SCFD2: variants seen among roughly 807,000 people sequenced by gnomAD.
The protein encoded by SCFD2 is sec1 family domain-containing protein 2.
Under a neutral mutation model 58.9 loss-of-function variants are expected in SCFD2, and 54 were observed. The ratio of observed to expected loss-of-function variants is 0.92; its 90% CI spans 0.74 to 1.15. The LOEUF is 1.15. SCFD2 is among the 50% of genes most tolerant of loss of function. The pLI is 0.00. For synonymous variants in SCFD2, 321 were observed against 335.9 expected (o/e 0.96, Z 0.49); for missense variants, 805 against 836.6 (o/e 0.96, Z 0.47).
At chr4:53,192,373 T>C (rs1727939853) in intron 4 of SCFD2, among the ~76,000 whole-genome samples, 1 of 152,208 alleles carries the variant, frequency 6.6e-6, no homozygotes, top group African/African-American at 2.4e-5. Context: ...TTCATTAAAC[T>C]CTTAACTCCT....
At chr4:53,144,696 A>G (rs1289668722) in intron 5 of SCFD2, among the ~76,000 whole-genome samples, 1 of 152,018 alleles carries the variant, frequency 6.6e-6, no homozygotes, top group East Asian at 1.9e-4. Flanking sequence ...AATAGGATGT[A>G]CTACATTTTA....
chr4:53,331,666 C>A (rs1733475995), intron 2 of SCFD2, among the ~76,000 whole-genome samples: 1 of 152,032 alleles, frequency 6.6e-6, no homozygotes, highest in Non-Finnish European at 1.5e-5. Flanking sequence ...AATTGACACC[C>A]TAACATCACA....
intron 5 of SCFD2, among the ~76,000 whole-genome samples, chr4:52,938,967 C>T (rs1720215739): frequency 6.6e-6 from 1 of 152,140 alleles, no homozygotes; most frequent in Admixed American, 6.5e-5. Context: ...GAGCTGAAGC[C>T]TTTAAAAGCC....
chr4:52,919,493 A>G (rs1273340612), intron 6 of SCFD2, among the ~76,000 whole-genome samples: 6 of 152,212 alleles, frequency 3.9e-5, no homozygotes, highest in African/African-American at 1.4e-4. Context: ...GAAGAGTGAC[A>G]GTTTCTAAGG....
chr4:52,946,268 G>A (rs932229662), intron 5 of SCFD2, among the ~76,000 whole-genome samples: 16 of 151,914 alleles, frequency 1.1e-4, no homozygotes, highest in Admixed American at 9.2e-4. Context: ...TATCAGCCGT[G>A]AACATCATAG....
At chr4:53,191,593 G>C (rs1560377942) in intron 4 of SCFD2, among the ~76,000 whole-genome samples, 1 of 152,042 alleles carries the variant, frequency 6.6e-6, no homozygotes, top group Admixed American at 6.6e-5. Flanking sequence ...TTTTAGTAGA[G>C]AAGGGGTTTC....
At chr4:53,313,593 T>C (rs1377605247) in intron 3 of SCFD2, 43 bp downstream of exon 3, 2 of 1,612,206 alleles carry the variant, frequency 1.2e-6, no homozygotes, top group African/African-American at 1.3e-5. Context: ...CAGGTTTAAA[T>C]AAGCTTCCTC....
chr4:53,311,329 C>G (rs1370365017), intron 3 of SCFD2, among the ~76,000 whole-genome samples: 1 of 152,096 alleles, frequency 6.6e-6, no homozygotes, highest in Middle Eastern at 3.4e-3. Flanking sequence ...CAGCCCCTAT[C>G]TAGAGTTGTG....
chr4:52,960,287 CA>C (rs374561921), intron 5 of SCFD2, among the ~76,000 whole-genome samples: 6 of 152,056 alleles, frequency 3.9e-5, no homozygotes, highest in Admixed American at 1.3e-4. Context: ...CCAAGATGGC[CA>C]ATTACTGGTA....
At chr4:52,928,062 C>T (rs977185030) in intron 5 of SCFD2, among the ~76,000 whole-genome samples, 16 of 152,150 alleles carry the variant, frequency 1.1e-4, no homozygotes, top group Middle Eastern at 3.4e-3. Flanking sequence ...AGGCTAGGTG[C>T]AGTGGTTCAT....
chr4:53,299,900 G>C (rs988714891), intron 3 of SCFD2, among the ~76,000 whole-genome samples: 4 of 152,198 alleles, frequency 2.6e-5, no homozygotes, highest in African/African-American at 7.2e-5. Context: ...CAAATGCTGA[G>C]AGATTTTTGT....
At chr4:53,097,528 G>C (rs1392686100) in intron 5 of SCFD2, among the ~76,000 whole-genome samples, 1 of 152,114 alleles carries the variant, frequency 6.6e-6, no homozygotes, top group Non-Finnish European at 1.5e-5. Flanking sequence ...ACTGTTATTG[G>C]TGTATAAGAA....
At chr4:52,920,909 C>A in intron 5 of SCFD2, 39 bp from the exon 6 acceptor site, 1 of 1,459,618 alleles carries the variant, frequency 6.9e-7, no homozygotes, top group Non-Finnish European at 9.3e-7. Context: ...GTGAGTAAAT[C>A]TTTAAGTTTT....
At chr4:53,036,948 G>T (rs1560309056) in intron 5 of SCFD2, among the ~76,000 whole-genome samples, 1 of 152,104 alleles carries the variant, frequency 6.6e-6, no homozygotes, top group Non-Finnish European at 1.5e-5. Flanking sequence ...GGGCTGGTTT[G>T]GGGGGAAAGG....
chr4:53,363,254 C>T (rs985868549), intron 1 of SCFD2, among the ~76,000 whole-genome samples: 2 of 151,896 alleles, frequency 1.3e-5, no homozygotes, highest in African/African-American at 4.8e-5. Flanking sequence ...TCCACCTTAG[C>T]CTCCTGAGTG....
Position 53,229,066 on chromosome 4 carries a change from A to G in SCFD2, c.1311+44760T>C, listed in dbSNP as rs531977199. On this transcript the variant is annotated intron_variant, in intron 4 of 8. Transcript: ENST00000401642. ...AACCTAGGAATCCACCTTACAAGGG[A>G]TGTGAAGGACCTCTTCAAGGAGAAC... Among the ~76,000 whole-genome samples, 6 of 152,310 alleles carry G rather than the reference A, an allele frequency of 3.9e-5. No homozygotes were observed. In the South Asian group the frequency reaches 1.2e-3, roughly 32 times the overall value.
intron 4 of SCFD2, among the ~76,000 whole-genome samples, chr4:53,239,674 G>A (rs192520804): frequency 1.2e-3 from 179 of 152,094 alleles, no homozygotes; most frequent in African/African-American, 3.2e-3. Context: ...TAGTAGAGAC[G>A]GGTTTTTCCA....
At chr4:53,067,225 T>A (rs1259387759) in intron 5 of SCFD2, among the ~76,000 whole-genome samples, 1 of 152,012 alleles carries the variant, frequency 6.6e-6, no homozygotes, top group African/African-American at 2.4e-5. Context: ...TGTACAGGAT[T>A]GGGATGGAGA....
intron 1 of SCFD2, among the ~76,000 whole-genome samples, chr4:53,363,559 C>A (rs953579727): frequency 6.6e-6 from 1 of 151,768 alleles, no homozygotes; most frequent in Non-Finnish European, 1.5e-5. Context: ...AAAAAAAGGG[C>A]GCGGTGGCTC....
Sources: allele counts gnomAD v4.1 joint callset (sites outside exome capture counted in the v4.1 genomes callset), GRCh38; gene constraint gnomAD v4.1.1; transcripts MANE v1.5; gene names NCBI Gene and HGNC (gene_info 2026-07-23, HGNC 2026-07-21).